PLEKHA7: variants seen among roughly 807,000 people sequenced by gnomAD.
PLEKHA7 encodes pleckstrin homology domain containing A7, also known as pleckstrin homology domain-containing family A member 7.
Under a neutral mutation model 170.0 loss-of-function variants are expected in PLEKHA7, and 104 were observed. The observed-to-expected ratio is 0.61, with a 90% CI of 0.52 to 0.72. The LOEUF (loss-of-function observed/expected upper bound fraction) is 0.72. Among genes scored for constraint, PLEKHA7 ranks in the 30% least tolerant of loss-of-function variants. The pLI is 0.00. For missense variants in PLEKHA7, 1,615 were observed against 1,671.7 expected, an observed-to-expected ratio of 0.97 and a Z score of 0.59; for synonymous variants, 648 against 660.8, an observed-to-expected ratio of 0.98 and a Z score of 0.30.
chr11:16,913,256 A>C (rs942299854), intron 3 of PLEKHA7, among the ~76,000 whole-genome samples: 1 of 152,026 alleles, frequency 6.6e-6, no homozygotes, highest in Non-Finnish European at 1.5e-5. Flanking sequence ...TTTTTCCCCC[A>C]AAGAATGAAT....
At chr11:16,844,799 G>C (rs1324712688) in intron 8 of PLEKHA7, among the ~76,000 whole-genome samples, 3 of 152,198 alleles carry the variant, frequency 2.0e-5, no homozygotes, top group African/African-American at 4.8e-5. Flanking sequence ...CTTTAGAATA[G>C]AGAAACCTCA....
intron 23 of PLEKHA7, 162 bp from the exon 24 acceptor site, chr11:16,786,549 G>T (rs748190002): frequency 1.4e-5 from 14 of 985,280 alleles, no homozygotes; most frequent in Non-Finnish European, 1.7e-5. Context: ...CCTTCATATG[G>T]GCTGTTCCAG....
In PLEKHA7 at chr11:16,791,127, G is replaced by T; in HGVS notation, c.2818C>A (p.Pro940Thr). Residue 940 changes from proline to threonine, a missense_variant, in exon 20 of 27, where the codon CCT (proline) becomes ACT (threonine). Coordinates refer to ENST00000531066, the MANE Select transcript of PLEKHA7 (RefSeq NM_001329630.2). The surrounding 1 kb of genome is among the most constrained non-coding windows in gnomAD (Gnocchi z 4.5). ...SPEDQPPAVP[P>T]LPREATIIRH... ...ATGATGGTGGCCTCTCTTGGCAGAG[G>T]CGGCACAGCCGGGGGCTGGTCCTCT... 1.9e-6 allele frequency: 3 copies of T among 1,614,096 alleles called. No individual in the cohort carries two copies. Among genetic ancestry groups the T allele is most frequent in the Non-Finnish European group, 1.7e-6 (2 of 1,179,992 alleles).
chr11:16,841,609 C>A lies in PLEKHA7; in HGVS notation c.810G>T (p.Met270Ile), dbSNP rs1851966237. 2 of 1,613,984 alleles carry A rather than the reference C, an allele frequency of 1.2e-6. No homozygotes were observed. Among genetic ancestry groups the A allele is most frequent in the Non-Finnish European group, 1.7e-6 (2 of 1,180,024 alleles). The part of the protein sequence containing the change: ...YYFSADTQED[M>I]NAWVRAMNQA... Reference sequence around the variant, plus strand: ...GGTTCATGGCCCTGACCCAAGCGTTCATGTCCTCCTGGGTGTCGGCACTGA... The same window carrying A: ...GGTTCATGGCCCTGACCCAAGCGTTAATGTCCTCCTGGGTGTCGGCACTGA... The change falls in exon 9 of 27, where the codon ATG becomes ATT. Residue 270 changes from methionine (M) to isoleucine (I), a missense_variant. Physicochemically the swap from Met to Ile is conservative, Grantham distance 10 (BLOSUM62 1). Transcript: ENST00000531066.
At chr11:16,794,853 C>A in intron 18 of PLEKHA7, 57 bp downstream of exon 18, 2 of 1,524,622 alleles carry the variant, frequency 1.3e-6, no homozygotes, top group Non-Finnish European at 1.8e-6. Flanking sequence ...GCCTTCCACC[C>A]TCCCACCACC....
chr11:16,809,769 A>C (rs1032234426), intron 13 of PLEKHA7, among the ~76,000 whole-genome samples: 1 of 152,194 alleles, frequency 6.6e-6, no homozygotes, highest in Non-Finnish European at 1.5e-5. Context: ...ACTAAGCTGC[A>C]ACCTATCTAC....
rs76934818 is a variant in PLEKHA7, at chr11:16,852,026, G to A, written c.595+257C>T. Among the ~76,000 whole-genome samples, 27 of 152,250 alleles carry A rather than the reference G, an allele frequency of 1.8e-4. No individual in the cohort carries two copies. The East Asian group carries it at 5.2e-3, about 29-fold the overall frequency. Reference sequence around the variant, plus strand: ...CAACATTCAATAAATCCAGATGACAGGTTACAAAACACAATCAATGATCCA... The same window carrying A: ...CAACATTCAATAAATCCAGATGACAAGTTACAAAACACAATCAATGATCCA... On this transcript the variant is annotated intron_variant, in intron 7 of 26. Coordinates refer to ENST00000531066, the MANE Select transcript of PLEKHA7 (RefSeq NM_001329630.2).
chr11:17,013,756 G>T (rs1439977715), intron 3 of PLEKHA7, among the ~76,000 whole-genome samples: 4 of 152,212 alleles, frequency 2.6e-5, no homozygotes, highest in African/African-American at 4.8e-5. Context: ...CGCAGAGTCT[G>T]CGGCCTCTTC....
chr11:16,959,816 G>A (rs1028348067), intron 3 of PLEKHA7, among the ~76,000 whole-genome samples: 17 of 152,292 alleles, frequency 1.1e-4, no homozygotes, highest in African/African-American at 4.1e-4. Context: ...CATAAAACCT[G>A]CTTCTGGAGG....
rs181102034 is a variant in PLEKHA7, at chr11:16,838,941, C to A, written c.872+2606G>T. On this transcript the variant is annotated intron_variant, in intron 9 of 26. Transcript: ENST00000531066. ...GACCTCATGAGCCACCCGCCTCGGT[C>A]TCCCAAAGTGCTGGGATTACAGGTG... Among the ~76,000 whole-genome samples, 1,107 of 152,194 alleles carry A rather than the reference C, an allele frequency of 7.3e-3. 15 individuals carry two copies. The highest frequency in any genetic ancestry group is 0.025 in the African/African-American group (1,030 of 41,510).
intron 17 of PLEKHA7, among the ~76,000 whole-genome samples, chr11:16,799,709 G>A (rs1189090679): frequency 8.5e-5 from 13 of 152,272 alleles, no homozygotes; most frequent in Admixed American, 2.6e-4. Context: ...AAGTCATTAC[G>A]GTAAATGCTG....
rs138115395 is a variant in PLEKHA7, at chr11:16,809,882, G to A, written c.2007+3231C>T. Among the ~76,000 whole-genome samples the A allele has an allele frequency of 2.4e-3, 370 of 152,248 alleles. 2 individuals carry two copies. The highest frequency in any genetic ancestry group is 2.7e-3 in the Non-Finnish European group (182 of 68,010). ...GCTGTCTCTATGCCTCTCCTGAATC[G>A]CCCCTAACTCCTTCAATCATTCCGC... On this transcript the variant is annotated intron_variant, in intron 13 of 26. Transcript: ENST00000531066.
chr11:16,858,529 G>C (rs981507623), intron 4 of PLEKHA7, among the ~76,000 whole-genome samples: 2 of 140,652 alleles, frequency 1.4e-5, no homozygotes, highest in African/African-American at 2.7e-5. Flanking sequence ...TTTCGCTCTT[G>C]TTGCCCAGGC....
chr11:16,908,899 G>A (rs72865706), intron 3 of PLEKHA7, among the ~76,000 whole-genome samples: 1 of 152,142 alleles, frequency 6.6e-6, no homozygotes, highest in South Asian at 2.1e-4. Flanking sequence ...AATTTGGCTG[G>A]AGAAGAGGAG....
At chr11:16,915,408 A>T (rs1052889118) in intron 3 of PLEKHA7, among the ~76,000 whole-genome samples, 4 of 152,086 alleles carry the variant, frequency 2.6e-5, no homozygotes, top group Non-Finnish European at 5.9e-5. Flanking sequence ...CATGTGCACG[A>T]TGTGCAGGTT....
intron 9 of PLEKHA7, among the ~76,000 whole-genome samples, chr11:16,829,560 G>C (rs1463245526): frequency 6.6e-6 from 1 of 152,166 alleles, no homozygotes; most frequent in East Asian, 1.9e-4. Flanking sequence ...TGAATCACCT[G>C]AGGTCAGGGG....
At chr11:16,921,526 G>A (rs1287066075) in intron 3 of PLEKHA7, among the ~76,000 whole-genome samples, 1 of 152,198 alleles carries the variant, frequency 6.6e-6, no homozygotes, top group Non-Finnish European at 1.5e-5. Context: ...AAGGCAGCAT[G>A]CAAACATATT....
chr11:16,958,438 C>A (rs1341453113), intron 3 of PLEKHA7, among the ~76,000 whole-genome samples: 4 of 152,058 alleles, frequency 2.6e-5, no homozygotes, highest in African/African-American at 9.7e-5. Context: ...ATGCATGATT[C>A]CAAGTTGTGG....
Position 16,783,703 on chromosome 11 carries a change from G to A in PLEKHA7, c.3647C>T (p.Ser1216Leu), listed in dbSNP as rs1849211401. ...ACTTGAGCAAGCGAGGGCTGACCTT[G>A]ACCGGGCGAGGATGTTGCGGATCTT... ...AEKIRNILAR[S>L]SMCNLQPTSG... Residue 1216 changes from serine to leucine, a missense_variant, in exon 25 of 27, where the codon TCA (serine) becomes TTA (leucine). Physicochemically the swap from Ser to Leu is moderately radical, Grantham distance 145. Coordinates refer to ENST00000531066, the MANE Select transcript of PLEKHA7 (RefSeq NM_001329630.2). 4 of 1,452,152 alleles carry A rather than the reference G, an allele frequency of 2.8e-6. No individual in the cohort carries two copies. The East Asian group carries it at 1.1e-4, about 40-fold the overall frequency. 90.0% of individuals were successfully genotyped at this position (1,452,152 alleles called of 1,614,324 possible).
Sources: gnomAD v4.1 joint callset for allele counts (sites outside exome capture counted in the v4.1 genomes callset) on GRCh38, gnomAD v4.1.1 for gene constraint, Gnocchi (gnomAD v3.1) non-coding constraint, MANE v1.5 for transcripts, NCBI Gene and HGNC (gene_info 2026-07-23, HGNC 2026-07-21) for gene names.